The following SLC35D4 variants were observed in gnomAD, a reference collection of about 807,000 sequenced individuals.
SLC35D4 encodes solute carrier family 35 member D4, also known as UDP-N-acetylglucosamine transporter SLC35D4.
the SLC35D4 span, among the ~76,000 whole-genome samples, chr18:23,314,817 C>T: frequency 2.0e-5 from 3 of 152,234 alleles, no homozygotes; most frequent in Non-Finnish European, 4.4e-5. Context: ...CCAGGACCTG[C>T]CACAGGCAGA....
At chr18:23,259,793 A>G in the SLC35D4 span, 1 of 152,412 alleles carries the variant, frequency 6.6e-6, no homozygotes, top group African/African-American at 2.4e-5. Flanking sequence ...AAGGCCAGGC[A>G]GTAGACTGGC....
At chr18:23,362,433 T>C in the SLC35D4 span, among the ~76,000 whole-genome samples, 3 of 152,062 alleles carry the variant, frequency 2.0e-5, no homozygotes, top group African/African-American at 4.8e-5. Flanking sequence ...ACCCTGTCAC[T>C]ACTAAAAATA....
the SLC35D4 span, among the ~76,000 whole-genome samples, chr18:23,345,246 G>C: frequency 6.6e-6 from 1 of 151,974 alleles, no homozygotes; most frequent in Non-Finnish European, 1.5e-5. Flanking sequence ...CACTTTGGGA[G>C]GCCGAGGTGG....
chr18:23,340,430 G>T, the SLC35D4 span, among the ~76,000 whole-genome samples: 1 of 151,976 alleles, frequency 6.6e-6, no homozygotes, highest in Non-Finnish European at 1.5e-5. Flanking sequence ...GGAAGGGATA[G>T]GGGAGGCAAG....
chr18:23,277,436 T>A, the SLC35D4 span, among the ~76,000 whole-genome samples: 3 of 152,204 alleles, frequency 2.0e-5, no homozygotes, highest in African/African-American at 7.2e-5. Flanking sequence ...GTAAGTCCAA[T>A]TAAACCTCTT....
the SLC35D4 span, among the ~76,000 whole-genome samples, chr18:23,340,821 G>A: frequency 2.6e-5 from 4 of 152,128 alleles, no homozygotes; most frequent in Admixed American, 6.6e-5. Context: ...CTGCTGTCCC[G>A]GGAAGCTTCT....
chr18:23,419,851 G>C, the SLC35D4 span, among the ~76,000 whole-genome samples: 60 of 152,168 alleles, frequency 3.9e-4, no homozygotes, highest in African/African-American at 1.4e-3. Flanking sequence ...AAAGAATTCA[G>C]AAGTAAAGAA....
the SLC35D4 span, among the ~76,000 whole-genome samples, chr18:23,367,618 A>G: frequency 6.6e-6 from 1 of 152,060 alleles, no homozygotes; most frequent in Non-Finnish European, 1.5e-5. Context: ...CAAGAACCAT[A>G]TTTTATTCAT....
At chr18:23,335,547 G>T in the SLC35D4 span, among the ~76,000 whole-genome samples, 1 of 152,072 alleles carries the variant, frequency 6.6e-6, no homozygotes, top group South Asian at 2.1e-4. Flanking sequence ...AAAGAAAACC[G>T]AACCCCTATA....
At chr18:23,330,067 A>G in the SLC35D4 span, among the ~76,000 whole-genome samples, 41,221 of 151,988 alleles carry the variant, frequency 0.27, 5,717 homozygotes, top group Middle Eastern at 0.4. Flanking sequence ...GGCTGGGGGA[A>G]GGATAGCATT....
chr18:23,344,027 T>C, the SLC35D4 span, among the ~76,000 whole-genome samples: 1 of 151,668 alleles, frequency 6.6e-6, no homozygotes, highest in Non-Finnish European at 1.5e-5. Flanking sequence ...GCCTCCAGAG[T>C]AGCTGGGATT....
At chr18:23,434,671 G>A in the SLC35D4 span, among the ~76,000 whole-genome samples, 1 of 152,096 alleles carries the variant, frequency 6.6e-6, no homozygotes, top group Non-Finnish European at 1.5e-5. Context: ...GCGCACGCCT[G>A]TAGTCCCAGC....
chr18:23,305,175 T>C, the SLC35D4 span, among the ~76,000 whole-genome samples: 1 of 152,336 alleles, frequency 6.6e-6, no homozygotes, highest in Non-Finnish European at 1.5e-5. Context: ...TGGACATTCT[T>C]AGTCTGCAGG....
At chr18:23,285,722 G>A in the SLC35D4 span, among the ~76,000 whole-genome samples, 1 of 151,808 alleles carries the variant, frequency 6.6e-6, no homozygotes, top group South Asian at 2.1e-4. Context: ...CCCAGGCTAA[G>A]TCCCAATTCT....
chr18:23,351,916 T>A, the SLC35D4 span, among the ~76,000 whole-genome samples: 39 of 152,342 alleles, frequency 2.6e-4, no homozygotes, highest in South Asian at 5.2e-3. Flanking sequence ...AGTCCCCTTG[T>A]GTAAGTCACT....
At chr18:23,264,909 T>G in the SLC35D4 span, among the ~76,000 whole-genome samples, 3 of 152,018 alleles carry the variant, frequency 2.0e-5, no homozygotes, top group African/African-American at 7.2e-5. Context: ...CCACCCAAAT[T>G]ACCGGGATTA....
chr18:23,350,422 C>A, the SLC35D4 span, among the ~76,000 whole-genome samples: 1 of 152,194 alleles, frequency 6.6e-6, no homozygotes, highest in Non-Finnish European at 1.5e-5. Context: ...AAACCCCAGG[C>A]TGTTTTCACA....
the SLC35D4 span, among the ~76,000 whole-genome samples, chr18:23,371,945 T>TTTTTTTTTTG: frequency 0.037 from 2,749 of 73,324 alleles, 315 homozygotes; most frequent in African/African-American, 0.15. Flanking sequence ...GTTTTTTTTT[T>TTTTTTTTTTG]TTTTTTTTGA....
the SLC35D4 span, chr18:23,399,623 A>G: frequency 6.2e-7 from 1 of 1,613,976 alleles, no homozygotes; most frequent in South Asian, 1.1e-5. Context: ...GCACTGAAGC[A>G]GGAAGCCACA....
Sources: gnomAD v4.1 joint callset for allele counts (sites outside exome capture counted in the v4.1 genomes callset) on GRCh38, gnomAD v4.1.1 for gene constraint, MANE v1.5 for transcripts, NCBI Gene and HGNC (gene_info 2026-07-23, HGNC 2026-07-21) for gene names.